NAALADL2: variants seen among roughly 807,000 people sequenced by gnomAD.
NAALADL2 encodes the protein N-acetylated alpha-linked acidic dipeptidase like 2.
A neutral mutation model predicts 87.2 loss-of-function variants in NAALADL2; 76 were observed. The observed-to-expected ratio is 0.87, with a 90% CI of 0.72 to 1.05. The LOEUF (loss-of-function observed/expected upper bound fraction) is 1.05, where lower values mean the gene tolerates loss of function less well. NAALADL2 is among the 50% of genes least tolerant of loss of function. The pLI is 0.00. For missense variants in NAALADL2, 1,089 were observed against 945.8 expected (o/e 1.15, Z -1.99); for synonymous variants, 354 against 331.0 (o/e 1.07, Z -0.75).
chr3:175,242,858 A>G (rs1369639956), intron 3 of NAALADL2, among the ~76,000 whole-genome samples: 3 of 152,182 alleles, frequency 2.0e-5, no homozygotes, highest in Admixed American at 6.6e-5. Flanking sequence ...ATACTGCTAT[A>G]AAAACTAACA....
intron 11 of NAALADL2, among the ~76,000 whole-genome samples, chr3:175,701,618 C>T (rs6763272): frequency 0.26 from 39,704 of 151,818 alleles, 6,967 homozygotes; most frequent in African/African-American, 0.5. Flanking sequence ...CCATGTTAAA[C>T]GTATCAAGCA....
chr3:174,896,274 G>A lies in NAALADL2; in HGVS notation c.43+36824G>A, dbSNP rs1731515753. ...TTGCTGATGCTATGATCTTATATTT[G>A]AAAAAACCTAATGACTCCACAAGAA... On this transcript the variant is annotated intron_variant, in intron 1 of 13. Coordinates refer to ENST00000454872, the MANE Select transcript of NAALADL2 (RefSeq NM_207015.3). Among the ~76,000 whole-genome samples, 2 of 151,894 alleles carry A rather than the reference G, an allele frequency of 1.3e-5. 1 individual carries two copies. Among genetic ancestry groups the A allele is most frequent in the South Asian group, 4.1e-4 (2 of 4,826 alleles).
chr3:175,051,921 C>T (rs9873668), intron 1 of NAALADL2, among the ~76,000 whole-genome samples: 31,109 of 152,132 alleles, frequency 0.2, 3,384 homozygotes, highest in Middle Eastern at 0.33. Context: ...ACCAGCTCGG[C>T]TGGGGAGACC....
intron 11 of NAALADL2, among the ~76,000 whole-genome samples, chr3:175,727,208 T>C (rs1036319443): frequency 6.6e-6 from 1 of 152,124 alleles, no homozygotes. Context: ...AGTGTCTCAG[T>C]AACCTCATTC....
chr3:175,367,793 G>A (rs1392463233), intron 5 of NAALADL2, among the ~76,000 whole-genome samples: 1 of 152,128 alleles, frequency 6.6e-6, no homozygotes, highest in Non-Finnish European at 1.5e-5. Flanking sequence ...CAATCATGTT[G>A]TCTGCAAACA....
intron 1 of NAALADL2, among the ~76,000 whole-genome samples, chr3:174,508,068 CTT>C (rs1347232491): frequency 6.9e-6 from 1 of 145,374 alleles, no homozygotes; most frequent in Non-Finnish European, 1.5e-5. Flanking sequence ...CTTGCCAACA[CTT>C]AGTATGGCCA....
chr3:174,930,531 A>G (rs1267052268), intron 1 of NAALADL2, among the ~76,000 whole-genome samples: 2 of 151,790 alleles, frequency 1.3e-5, no homozygotes, highest in Non-Finnish European at 2.9e-5. Flanking sequence ...AAAATACAGC[A>G]TGAATGAATA....
At chr3:175,665,066 A>G (rs1487569248) in intron 11 of NAALADL2, among the ~76,000 whole-genome samples, 9 of 152,184 alleles carry the variant, frequency 5.9e-5, no homozygotes. Context: ...TAATTTGCCC[A>G]AAGATCATAG....
chr3:175,246,284 G>A (rs10936834), intron 3 of NAALADL2, among the ~76,000 whole-genome samples: 46,206 of 151,908 alleles, frequency 0.3, 8,245 homozygotes, highest in South Asian at 0.42. Flanking sequence ...GCAGAAACTC[G>A]TTTTTAGGTG....
intron 11 of NAALADL2, among the ~76,000 whole-genome samples, chr3:175,733,122 T>G (rs1357036923): frequency 6.6e-6 from 1 of 152,170 alleles, no homozygotes; most frequent in Non-Finnish European, 1.5e-5. Flanking sequence ...CCCAAGCAGA[T>G]AGAAGAAGAT....
chr3:174,669,066 T>C (rs1726261431), intron 2 of NAALADL2, among the ~76,000 whole-genome samples: 1 of 152,118 alleles, frequency 6.6e-6, no homozygotes, highest in South Asian at 2.1e-4. Context: ...TTTCTCCACA[T>C]CCTCTCCAGC....
rs1228553659 is a variant in NAALADL2, at chr3:174,760,513, G to T, written c.-9+22767G>T. On this transcript the variant is annotated intron_variant, in intron 3 of 3. Transcript: ENST00000434257. Reference sequence around the variant, plus strand: ...AGACAAGTAAGCCCTAGATTTAGTGGGATTCTTTGATTTGTTTTTAGATTT... The same window carrying T: ...AGACAAGTAAGCCCTAGATTTAGTGTGATTCTTTGATTTGTTTTTAGATTT... Among the ~76,000 whole-genome samples the T allele has an allele frequency of 3.7e-4, 56 of 152,078 alleles. 1 individual carries two copies. The highest frequency in any genetic ancestry group is 5.9e-5 in the Non-Finnish European group (4 of 68,020).
Position 175,495,092 on chromosome 3 carries a change from A to ATATATATT in NAALADL2, c.1653+23335_1653+23336insATATATTT, listed in dbSNP as rs754412056. 1.2e-4 allele frequency among the ~76,000 whole-genome samples: 17 copies of ATATATATT among 136,504 alleles called. No homozygotes were observed. The East Asian group carries it at 2.4e-3, about 19-fold the overall frequency. The allele number at this position is 136,504 out of a possible 152,430, so 89.6% of individuals were successfully genotyped here. A position where few individuals can be genotyped will look rare whatever the true frequency, so the allele number is the denominator to read the frequency against. On this transcript the variant is annotated intron_variant, in intron 9 of 13. Transcript: ENST00000454872. The stretch of plus-strand genomic sequence containing the variant: ...CAATCCCATATATATATATATATAT[A>ATATATATT]TTTTTTTTTAATTTTAGATTATTTC...
intron 1 of NAALADL2, among the ~76,000 whole-genome samples, chr3:175,089,472 C>A (rs1158971764): frequency 6.6e-6 from 1 of 152,126 alleles, no homozygotes. Flanking sequence ...CCTCAGATAA[C>A]CTCATCTATA....
intron 3 of NAALADL2, among the ~76,000 whole-genome samples, chr3:174,844,622 G>A (rs576547178): frequency 1.3e-5 from 2 of 151,934 alleles, no homozygotes; most frequent in Middle Eastern, 3.4e-3. Context: ...CTTCCAATCC[G>A]TAAACATTGA....
intron 2 of NAALADL2, among the ~76,000 whole-genome samples, chr3:174,656,998 C>T (rs1725008263): frequency 1.3e-5 from 2 of 151,084 alleles, no homozygotes; most frequent in South Asian, 4.2e-4. Flanking sequence ...TCCCTTCCTT[C>T]CTTTTTTCCT....
At chr3:175,612,508 G>A (rs887997057) in intron 10 of NAALADL2, among the ~76,000 whole-genome samples, 1 of 152,076 alleles carries the variant, frequency 6.6e-6, no homozygotes, top group African/African-American at 2.4e-5. Context: ...TCTTTCTCAG[G>A]ATTTGACGAA....
chr3:174,560,643 G>T (rs773928890), intron 2 of NAALADL2, among the ~76,000 whole-genome samples: 1 of 152,096 alleles, frequency 6.6e-6, no homozygotes, highest in Non-Finnish European at 1.5e-5. Flanking sequence ...GATGGTTTTT[G>T]TAATTACCTT....
rs1754561381 is a variant in NAALADL2 at position 175,804,810 on chromosome 3, G to A, written c.*1607G>A. ...TGTCTACCCTAAATAATTTTTATAT[G>A]CTCAAGGCAAAGCAGGGAATAGAGG... On this transcript the variant is annotated 3_prime_UTR_variant, in exon 14 of 14. Transcript: ENST00000454872. 1 of 151,796 alleles carries A rather than the reference G, an allele frequency of 6.6e-6. No individual in the cohort carries two copies. Among genetic ancestry groups the A allele is most frequent in the Non-Finnish European group, 1.5e-5 (1 of 67,858 alleles). 9.4% of individuals were successfully genotyped at this position (151,796 alleles called of 1,614,324 possible).
Sources: gnomAD v4.1 joint callset for allele counts (sites outside exome capture counted in the v4.1 genomes callset) on GRCh38, gnomAD v4.1.1 for gene constraint, MANE v1.5 for transcripts, NCBI Gene and HGNC (gene_info 2026-07-23, HGNC 2026-07-21) for gene names.